Variants in DGKB observed in about 807,000 individuals in gnomAD.
DGKB encodes the protein 90 kDa diacylglycerol kinase.
A neutral mutation model predicts 114.3 loss-of-function variants in DGKB; 67 were observed. The ratio of observed to expected loss-of-function variants is 0.59; its 90% confidence interval spans 0.48 to 0.72. The LOEUF is 0.72. Ranked by LOEUF, DGKB falls within the 30% of genes least tolerant of loss-of-function variation. The pLI, the probability that DGKB is intolerant of heterozygous loss-of-function variation, is 0.00. For missense variants in DGKB, 907 were observed against 975.2 expected, an observed-to-expected ratio of 0.93 and a Z score of 0.93; for synonymous variants, 398 against 323.1, an observed-to-expected ratio of 1.23 and a Z score of -2.49.
intron 1 of DGKB, among the ~76,000 whole-genome samples, chr7:14,909,309 C>T (rs1194846356): frequency 6.6e-6 from 1 of 151,994 alleles, no homozygotes; most frequent in Non-Finnish European, 1.5e-5. Flanking sequence ...CTCAAAAAAA[C>T]TCAGCATAAA....
intron 13 of DGKB, among the ~76,000 whole-genome samples, chr7:14,647,227 T>G (rs1191708017): frequency 6.6e-6 from 1 of 152,072 alleles, no homozygotes; most frequent in East Asian, 1.9e-4. Flanking sequence ...TATAAATTCC[T>G]GGAAAACTTA....
At chr7:14,406,751 T>G (rs1177682326) in intron 21 of DGKB, among the ~76,000 whole-genome samples, 1 of 152,114 alleles carries the variant, frequency 6.6e-6, no homozygotes, top group Non-Finnish European at 1.5e-5. Context: ...TTGAACAATT[T>G]ATTTGTACAA....
At chr7:14,789,714 C>G (rs201047220) in intron 2 of DGKB, among the ~76,000 whole-genome samples, 1 of 132,626 alleles carries the variant, frequency 7.5e-6, no homozygotes, top group East Asian at 2.2e-4. Context: ...GTTACCACAT[C>G]TGGCTAATTT....
chr7:14,640,224 A>G (rs549569126), intron 13 of DGKB, among the ~76,000 whole-genome samples: 1 of 152,186 alleles, frequency 6.6e-6, no homozygotes, highest in African/African-American at 2.4e-5. Context: ...TAGGAAATTG[A>G]TATTTTATTA....
intron 21 of DGKB, among the ~76,000 whole-genome samples, chr7:14,432,804 C>A (rs372117821): frequency 4.9e-4 from 75 of 152,234 alleles, no homozygotes; most frequent in African/African-American, 1.8e-3. Context: ...TCATGCTTCT[C>A]TCTCTTTCCC....
At chr7:14,218,046 T>C (rs747787103) in intron 23 of DGKB, among the ~76,000 whole-genome samples, 1 of 152,136 alleles carries the variant, frequency 6.6e-6, no homozygotes, top group African/African-American at 2.4e-5. Flanking sequence ...TAAAATAAAA[T>C]AAGCTTTATT....
intron 1 of DGKB, among the ~76,000 whole-genome samples, chr7:14,891,466 G>A (rs140472540): frequency 4.6e-5 from 7 of 151,458 alleles, no homozygotes; most frequent in Middle Eastern, 6.8e-3. Context: ...CAAGTAAAGC[G>A]GAAAAGCAGC....
chr7:14,943,637 A>AACACACACACACAC (rs563726736), intron 1 of DGKB, among the ~76,000 whole-genome samples: 31 of 151,582 alleles, frequency 2.0e-4, no homozygotes, highest in Middle Eastern at 3.4e-3. Flanking sequence ...TTTGAAGTGA[A>AACACACACACACAC]ACACACACAC....
intron 23 of DGKB, among the ~76,000 whole-genome samples, chr7:14,287,480 T>C (rs2128466114): frequency 6.6e-6 from 1 of 152,294 alleles, no homozygotes; most frequent in South Asian, 2.1e-4. Context: ...ATTTGGTAAA[T>C]GCACAATGAA....
intron 4 of DGKB, among the ~76,000 whole-genome samples, chr7:14,753,124 G>A (rs1438901715): frequency 6.6e-6 from 1 of 152,088 alleles, no homozygotes; most frequent in East Asian, 1.9e-4. Flanking sequence ...TTACGTGTTG[G>A]ACATGAAATT....
At chr7:14,381,747 C>T (rs943498983) in intron 21 of DGKB, among the ~76,000 whole-genome samples, 4 of 152,190 alleles carry the variant, frequency 2.6e-5, no homozygotes, top group African/African-American at 7.2e-5. Context: ...GTAGCTGGAA[C>T]TACAGGTGCA....
rs189670331 is a variant in DGKB at position 14,971,423 on chromosome 7, C to G, written c.-188+3273G>C. Among the ~76,000 whole-genome samples, 328 of 152,134 alleles carry G rather than the reference C, an allele frequency of 2.2e-3. 3 individuals carry two copies. The highest frequency in any genetic ancestry group is 7.6e-3 in the African/African-American group (317 of 41,510). ...CAAAAAGCTTGTGGTGTATTCTTGGCGGAAAACTCTAGCCACAAGATAGCT... is the reference window on the plus strand; with the variant it reads ...CAAAAAGCTTGTGGTGTATTCTTGGGGGAAAACTCTAGCCACAAGATAGCT... On this transcript the variant is annotated intron_variant, in intron 1 of 4. Transcript: ENST00000437998.
At chr7:14,280,290 C>G (rs187236450) in intron 23 of DGKB, among the ~76,000 whole-genome samples, 1,826 of 151,720 alleles carry the variant, frequency 0.012, 39 homozygotes, top group African/African-American at 0.041. Context: ...TGAAATGAAG[C>G]GAGAAGGAAA....
At chr7:14,935,045 A>C (rs958308745) in intron 1 of DGKB, among the ~76,000 whole-genome samples, 1 of 152,182 alleles carries the variant, frequency 6.6e-6, no homozygotes, top group South Asian at 2.1e-4. Context: ...ACAGGAAAGC[A>C]TTCAAGTGCC....
intron 13 of DGKB, among the ~76,000 whole-genome samples, chr7:14,633,067 C>T (rs538092466): frequency 4.4e-4 from 67 of 151,902 alleles, no homozygotes; most frequent in African/African-American, 1.6e-3. Context: ...GAAATTGAAA[C>T]CTAGCTACCA....
intron 21 of DGKB, among the ~76,000 whole-genome samples, chr7:14,467,663 G>A (rs902623794): frequency 2.6e-5 from 4 of 152,052 alleles, no homozygotes; most frequent in African/African-American, 7.2e-5. Flanking sequence ...ATGTTTATGA[G>A]TGAACCATTT....
intron 23 of DGKB, among the ~76,000 whole-genome samples, chr7:14,225,686 T>C (rs897454043): frequency 6.6e-6 from 1 of 151,962 alleles, no homozygotes; most frequent in East Asian, 1.9e-4. Flanking sequence ...GTTAATGATA[T>C]AGACAATCAC....
At chr7:14,393,145 T>C (rs373310827) in intron 21 of DGKB, among the ~76,000 whole-genome samples, 1 of 151,888 alleles carries the variant, frequency 6.6e-6, no homozygotes, top group African/African-American at 2.4e-5. Context: ...GCCCGCCACC[T>C]TGCCAGGCTA....
intron 1 of DGKB, among the ~76,000 whole-genome samples, chr7:14,847,153 TG>T (rs1848735498): frequency 6.6e-6 from 1 of 151,920 alleles, no homozygotes; most frequent in Non-Finnish European, 1.5e-5. Context: ...TAACAGAGCG[TG>T]GTGGTGGGCA....
Sources: gnomAD v4.1 joint callset for allele counts (sites outside exome capture counted in the v4.1 genomes callset) on GRCh38, gnomAD v4.1.1 for gene constraint, MANE v1.5 for transcripts, NCBI Gene and HGNC (gene_info 2026-07-23, HGNC 2026-07-21) for gene names.